Variants in RAB38 observed in about 807,000 individuals in gnomAD.
RAB38 encodes the protein RAB38, member RAS oncogene family, also known as ras-related protein Rab-38.
In RAB38, 15 loss-of-function variants were observed where a neutral mutation model predicts 18.4. The observed-to-expected ratio is 0.82, with a 90% CI of 0.55 to 1.26. The LOEUF (loss-of-function observed/expected upper bound fraction) is 1.26. RAB38 is among the 50% of genes most tolerant of loss of function. The probability of loss-of-function intolerance (pLI) is 0.00; values close to 1 mark genes in which losing one functional copy is unlikely to be tolerated. For missense variants in RAB38, 294 were observed against 267.4 expected (o/e 1.10, Z -0.69); for synonymous variants, 101 against 104.4 (o/e 0.97, Z 0.20).
the RAB38 span, among the ~76,000 whole-genome samples, chr11:87,889,239 T>C: frequency 6.6e-6 from 1 of 151,844 alleles, no homozygotes. Flanking sequence ...CTTCCCACCC[T>C]TCTCCACCTC....
the RAB38 span, among the ~76,000 whole-genome samples, chr11:88,018,855 T>A: frequency 6.6e-6 from 1 of 152,202 alleles, no homozygotes; most frequent in South Asian, 2.1e-4. Flanking sequence ...CAGAGATTGA[T>A]TGGTTGAATC....
chr11:87,957,188 A>G, the RAB38 span, among the ~76,000 whole-genome samples: 74 of 152,152 alleles, frequency 4.9e-4, 1 homozygote, highest in African/African-American at 1.7e-3. Flanking sequence ...CAGTTCCAAG[A>G]TTCATGTCAC....
Position 88,149,684 on chromosome 11 carries a change from T to C in RAB38, c.474A>G (p.Thr158=), listed in dbSNP as rs773331157. The C allele has an allele frequency of 6.2e-7, 1 of 1,608,686 alleles. No homozygotes were observed. The highest frequency in any genetic ancestry group is 1.1e-5 in the South Asian group (1 of 90,742). Residue 158 remains threonine, a synonymous_variant, in exon 2 of 3, where the codon ACA becomes ACG. Coordinates refer to ENST00000243662, the MANE Select transcript of RAB38 (RefSeq NM_022337.3). The part of the protein sequence containing the change: ...KEHGFVGWFE[T]SAKENINIDE... ...TTTAAAGTCACATTACCTTTGCTGA[T>C]GTTTCAAACCATCCTACGAAACCGT...
the RAB38 span, among the ~76,000 whole-genome samples, chr11:88,037,287 C>T: frequency 4.6e-5 from 7 of 151,930 alleles, no homozygotes; most frequent in African/African-American, 1.4e-4. Context: ...TAAGTTATTT[C>T]CCCTCTGCAG....
chr11:87,976,476 T>C, the RAB38 span, among the ~76,000 whole-genome samples: 1 of 120,408 alleles, frequency 8.3e-6, no homozygotes, highest in Admixed American at 1.1e-4. Context: ...TTACATATAG[T>C]TATATATTTT....
At chr11:87,926,812 G>A in the RAB38 span, among the ~76,000 whole-genome samples, 3 of 152,014 alleles carry the variant, frequency 2.0e-5, no homozygotes, top group African/African-American at 7.2e-5. Flanking sequence ...GCAGCACTGA[G>A]CTGCAGCTCT....
the RAB38 span, among the ~76,000 whole-genome samples, chr11:88,015,093 C>T: frequency 6.6e-6 from 1 of 151,510 alleles, no homozygotes; most frequent in African/African-American, 2.4e-5. Flanking sequence ...TAAAATCTCT[C>T]TACAATGTTG....
the RAB38 span, among the ~76,000 whole-genome samples, chr11:88,067,972 CAT>C: frequency 2.0e-5 from 2 of 102,286 alleles, no homozygotes; most frequent in African/African-American, 4.2e-5. Context: ...TATATATACA[CAT>C]ATATATACTT....
chr11:87,826,465 G>T, the RAB38 span, among the ~76,000 whole-genome samples: 1 of 151,908 alleles, frequency 6.6e-6, no homozygotes, highest in East Asian at 1.9e-4. Flanking sequence ...CTGTGACATT[G>T]CTTTTTATAT....
the RAB38 span, among the ~76,000 whole-genome samples, chr11:87,956,468 C>A: frequency 6.6e-6 from 1 of 152,154 alleles, no homozygotes; most frequent in Non-Finnish European, 1.5e-5. Flanking sequence ...GCACAGGCTT[C>A]TATCACCTGC....
At chr11:87,826,255 T>C in the RAB38 span, among the ~76,000 whole-genome samples, 2 of 152,264 alleles carry the variant, frequency 1.3e-5, no homozygotes, top group South Asian at 4.1e-4. Context: ...TTTGATAAAA[T>C]GAATTTAATG....
At chr11:87,829,956 T>A in the RAB38 span, among the ~76,000 whole-genome samples, 13 of 152,348 alleles carry the variant, frequency 8.5e-5, no homozygotes, top group African/African-American at 3.1e-4. Flanking sequence ...TACAATGGAA[T>A]AATTTGTGGG....
chr11:87,956,830 G>A, the RAB38 span, among the ~76,000 whole-genome samples: 2 of 152,018 alleles, frequency 1.3e-5, no homozygotes, highest in Non-Finnish European at 2.9e-5. Context: ...ACACAGAGAA[G>A]CCAAGAAGAA....
chr11:87,918,154 T>C, the RAB38 span, among the ~76,000 whole-genome samples: 1 of 152,088 alleles, frequency 6.6e-6, no homozygotes, highest in African/African-American at 2.4e-5. Flanking sequence ...CTTTTCTTTT[T>C]ATGCTTGGCT....
chr11:88,060,116 G>C, the RAB38 span: 1 of 152,170 alleles, frequency 6.6e-6, no homozygotes, highest in Non-Finnish European at 1.5e-5. Context: ...AAAGACAAAA[G>C]TAACTCAGAG....
At chr11:87,951,512 T>TC in the RAB38 span, among the ~76,000 whole-genome samples, 17 of 150,530 alleles carry the variant, frequency 1.1e-4, no homozygotes, top group East Asian at 2.9e-3. Context: ...GTTTTTTTTT[T>TC]CCCATCTTTG....
the RAB38 span, among the ~76,000 whole-genome samples, chr11:87,813,499 T>TCACACACACACACA: frequency 2.7e-4 from 39 of 146,956 alleles, no homozygotes; most frequent in South Asian, 9.0e-4. Flanking sequence ...ATCATACACA[T>TCACACACACACACA]CACACACACA....
chr11:88,129,544 G>C (rs1565211685), intron 2 of RAB38, among the ~76,000 whole-genome samples: 1 of 152,092 alleles, frequency 6.6e-6, no homozygotes, highest in Non-Finnish European at 1.5e-5. Flanking sequence ...GGGAGGCTGA[G>C]GCACAAGAAT....
In RAB38 at chr11:88,175,289, C is replaced by G. The variant is rs761058087; in HGVS notation, c.96G>C (p.Gln32His). 6.2e-7 allele frequency: 1 copy of G among 1,614,228 alleles called. No individual in the cohort carries two copies. Among genetic ancestry groups the G allele is most frequent in the South Asian group, 1.1e-5 (1 of 91,088 alleles). ...KTSIIKRYVH[Q>H]NFSSHYRATI... ...TGGCCCGGTAGTGCGAAGAGAAGTT[C>G]TGGTGCACGTAGCGCTTGATGATAC... Residue 32 changes from glutamine (Q) to histidine (H), a missense_variant, in exon 1 of 3, where the codon CAG (glutamine) becomes CAC (histidine). Transcript: ENST00000243662.
Sources: gnomAD v4.1 joint callset for allele counts (sites outside exome capture counted in the v4.1 genomes callset) on GRCh38, gnomAD v4.1.1 for gene constraint, MANE v1.5 for transcripts, NCBI Gene and HGNC (gene_info 2026-07-23, HGNC 2026-07-21) for gene names.